RUNX1T1: variants seen among roughly 807,000 people sequenced by gnomAD.
The protein encoded by RUNX1T1 is RUNX1 partner transcriptional co-repressor 1.
A neutral mutation model predicts 62.8 loss-of-function variants in RUNX1T1; 4 were observed. The observed-to-expected ratio is 0.06, with a 90% CI of 0.03 to 0.15. The LOEUF (loss-of-function observed/expected upper bound fraction) is 0.15, where lower values mean the gene tolerates loss of function less well. Among genes scored for constraint, RUNX1T1 ranks in the 10% least tolerant of loss-of-function variants. The probability of loss-of-function intolerance (pLI) is 1.00; values close to 1 mark genes in which losing one functional copy is unlikely to be tolerated. For missense variants in RUNX1T1, 508 were observed against 754.3 expected, an observed-to-expected ratio of 0.67 and a Z score of 3.82; for synonymous variants, 291 against 286.0, an observed-to-expected ratio of 1.02 and a Z score of -0.18.
intron 8 of RUNX1T1, among the ~76,000 whole-genome samples, chr8:91,979,089 G>T (rs77806249): frequency 0.024 from 3,585 of 152,198 alleles, 134 homozygotes; most frequent in African/African-American, 0.082. Context: ...TAAACATCAG[G>T]TCTACCAACA....
chr8:91,969,682 T>C (rs1330039039), intron 10 of RUNX1T1, among the ~76,000 whole-genome samples: 1 of 152,200 alleles, frequency 6.6e-6, no homozygotes, highest in African/African-American at 2.4e-5. Flanking sequence ...CTGCTACACA[T>C]TAAATAGAAA....
intron 1 of RUNX1T1, among the ~76,000 whole-genome samples, chr8:92,081,836 C>T (rs1835320517): frequency 6.6e-6 from 1 of 152,132 alleles, no homozygotes; most frequent in South Asian, 2.1e-4. Flanking sequence ...CTCTTCCTCC[C>T]TCCCTTTGTC....
intron 1 of RUNX1T1, among the ~76,000 whole-genome samples, chr8:92,037,184 T>C (rs1007430277): frequency 6.6e-6 from 1 of 152,124 alleles, no homozygotes; most frequent in African/African-American, 2.4e-5. Flanking sequence ...AATGTGTAAA[T>C]TTATAACCCC....
chr8:92,090,961 T>C (rs1836901016), intron 1 of RUNX1T1, among the ~76,000 whole-genome samples: 1 of 152,150 alleles, frequency 6.6e-6, no homozygotes, highest in Non-Finnish European at 1.5e-5. Flanking sequence ...AGTAGGTCTC[T>C]AGTATTTATC....
intron 8 of RUNX1T1, 106 bp from the exon 10 acceptor site, chr8:91,976,079 C>T (rs902205611): frequency 1.7e-5 from 13 of 756,836 alleles, no homozygotes; most frequent in Middle Eastern, 3.0e-4. Flanking sequence ...CCTGGCTTCT[C>T]TACAAAAACG....
At chr8:92,030,934 C>A in intron 1 of RUNX1T1, among the ~76,000 whole-genome samples, 1 of 152,206 alleles carries the variant, frequency 6.6e-6, no homozygotes, top group East Asian at 1.9e-4. Context: ...AGGGCCAGAC[C>A]AAGAGGTCTC....
Position 92,069,950 on chromosome 8 carries a change from A to G in RUNX1T1, c.88+6015T>C, listed in dbSNP as rs1833435076. On this transcript the variant is annotated intron_variant, in intron 2 of 11. Coordinates refer to the RUNX1T1 transcript ENST00000265814. ...TCATTCCTATTGATAAATTGACACA[A>G]GTCCACAATTAGTTATATGTTTTCC... Among the ~76,000 whole-genome samples, 2 of 152,206 alleles carry G rather than the reference A, an allele frequency of 1.3e-5. 1 individual carries two copies. Among genetic ancestry groups the G allele is most frequent in the South Asian group, 4.1e-4 (2 of 4,828 alleles).
chr8:92,058,637 G>A (rs1587379649), intron 1 of RUNX1T1, among the ~76,000 whole-genome samples: 1 of 152,276 alleles, frequency 6.6e-6, no homozygotes, highest in Non-Finnish European at 1.5e-5. Context: ...ATCTCTAGGA[G>A]CCTCAGTTTC....
chr8:91,971,765 CCTGA>C (rs1469021262), intron 9 of RUNX1T1, among the ~76,000 whole-genome samples: 2 of 152,108 alleles, frequency 1.3e-5, no homozygotes, highest in African/African-American at 2.4e-5. Context: ...AACAATCAGG[CCTGA>C]CTATGAGTCT....
Position 91,994,216 on chromosome 8 carries a change from T to C in RUNX1T1, c.660-2327A>G, listed in dbSNP as rs190908633. On this transcript the variant is annotated intron_variant, in intron 5 of 10. Transcript: ENST00000396218. The stretch of plus-strand genomic sequence containing the variant: ...CTAAAACATACTGACTCCTTACATA[T>C]TGATCACTGATATCAGACTAAAATA... Among the ~76,000 whole-genome samples, 298 of 152,294 alleles carry C rather than the reference T, an allele frequency of 2.0e-3. 1 individual carries two copies. Among genetic ancestry groups the C allele is most frequent in the Non-Finnish European group, 3.2e-3 (217 of 68,028 alleles).
At chr8:91,962,155 C>T (rs1425405225) in intron 10 of RUNX1T1, among the ~76,000 whole-genome samples, 1 of 152,200 alleles carries the variant, frequency 6.6e-6, no homozygotes, top group Non-Finnish European at 1.5e-5. Context: ...GTGCTGAAAG[C>T]CTTTGAACTC....
At chr8:92,000,673 C>T (rs1219707485) in intron 5 of RUNX1T1, among the ~76,000 whole-genome samples, 2 of 152,038 alleles carry the variant, frequency 1.3e-5, no homozygotes, top group African/African-American at 4.8e-5. Context: ...CAAATACAAC[C>T]AACATGATTT....
chr8:92,043,978 C>CAA (rs761044593), intron 1 of RUNX1T1, among the ~76,000 whole-genome samples: 16 of 76,632 alleles, frequency 2.1e-4, no homozygotes, highest in South Asian at 1.6e-3. Flanking sequence ...AACTCCGTCT[C>CAA]AAAAAAAAAA....
intron 8 of RUNX1T1, among the ~76,000 whole-genome samples, chr8:91,978,664 A>C (rs1814512816): frequency 6.6e-6 from 1 of 152,172 alleles, no homozygotes; most frequent in African/African-American, 2.4e-5. Flanking sequence ...TTGGAAGCAA[A>C]ATCTTCAAAT....
At chr8:92,053,838 G>A (rs2130438633) in intron 1 of RUNX1T1, among the ~76,000 whole-genome samples, 1 of 152,194 alleles carries the variant, frequency 6.6e-6, no homozygotes, top group Non-Finnish European at 1.5e-5. Context: ...CAGGTAGCCT[G>A]GAATGGAATT....
chr8:92,013,459 C>G (rs1822372500), intron 3 of RUNX1T1, among the ~76,000 whole-genome samples: 1 of 152,194 alleles, frequency 6.6e-6, no homozygotes, highest in Non-Finnish European at 1.5e-5. Flanking sequence ...ACTTCTAATT[C>G]TGAAACTTCT....
At chr8:92,077,379 T>TA (rs1366843627) in intron 1 of RUNX1T1, among the ~76,000 whole-genome samples, 2 of 152,090 alleles carry the variant, frequency 1.3e-5, no homozygotes, top group Non-Finnish European at 2.9e-5. Flanking sequence ...TTCAATGCTA[T>TA]AACCAAGATA....
intron 1 of RUNX1T1, among the ~76,000 whole-genome samples, chr8:92,087,235 G>C (rs1587568693): frequency 6.6e-6 from 1 of 152,100 alleles, no homozygotes; most frequent in East Asian, 1.9e-4. Flanking sequence ...AAAATGTCTG[G>C]TGAATTCAGA....
chr8:92,037,032 A>T (rs1827551293), intron 1 of RUNX1T1, among the ~76,000 whole-genome samples: 1 of 152,188 alleles, frequency 6.6e-6, no homozygotes, highest in Non-Finnish European at 1.5e-5. Flanking sequence ...TATAATGGTG[A>T]TGGGCTAATG....
Sources: allele counts gnomAD v4.1 joint callset (sites outside exome capture counted in the v4.1 genomes callset), GRCh38; gene constraint gnomAD v4.1.1; transcripts MANE v1.5; gene names NCBI Gene and HGNC (gene_info 2026-07-23, HGNC 2026-07-21).